The following YAP1 variants were observed in gnomAD, a reference collection of about 807,000 sequenced individuals.
The protein encoded by YAP1 is Yes1 associated transcriptional regulator, also known as transcriptional coactivator YAP1.
In YAP1, 5 loss-of-function variants were observed where a neutral mutation model predicts 56.9. The ratio of observed to expected loss-of-function variants is 0.09; its 90% confidence interval spans 0.05 to 0.18. The LOEUF is 0.18. Among genes scored for constraint, YAP1 ranks in the 10% least tolerant of loss-of-function variants. The pLI, the probability that YAP1 is intolerant of heterozygous loss-of-function variation, is 1.00. For missense variants in YAP1, 539 were observed against 651.8 expected, an observed-to-expected ratio of 0.83 and a Z score of 1.88; for synonymous variants, 265 against 248.1, an observed-to-expected ratio of 1.07 and a Z score of -0.64.
At chr11:102,145,749 T>C (rs368677599) in intron 2 of YAP1, among the ~76,000 whole-genome samples, 173 of 152,340 alleles carry the variant, frequency 1.1e-3, no homozygotes, top group Non-Finnish European at 1.7e-3. Context: ...TTTCATCTTA[T>C]GGACAGGATT....
chr11:102,110,877 A>C lies in YAP1; in HGVS notation c.29A>C (p.Gln10Pro). 7.0e-7 allele frequency: 1 copy of C among 1,421,578 alleles called. No individual in the cohort carries two copies. The highest frequency in any genetic ancestry group is 9.2e-7 in the Non-Finnish European group (1 of 1,085,426). The allele number at this position is 1,421,578 out of a possible 1,614,324, so 88.1% of individuals were successfully genotyped here. A position where few individuals can be genotyped will look rare whatever the true frequency, so the allele number is the denominator to read the frequency against. Residue 10 changes from glutamine (Q) to proline (P), a missense_variant, in exon 1 of 9, where the codon CAA becomes CCA. By Grantham distance (76) the Gln-to-Pro change is moderately conservative. Around this residue, in one of 4 missense-constraint regions of YAP1, gnomAD observed 106 missense variants for 86.6 expected, o/e 1.22. Coordinates refer to ENST00000282441, the MANE Select transcript of YAP1 (RefSeq NM_001130145.3). MDPGQQPPP[Q>P]PAPQGQGQPP... Reference sequence around the variant, plus strand: ...GATCCCGGGCAGCAGCCGCCGCCTCAACCGGCCCCCCAGGGCCAAGGGCAG... The same window carrying C: ...GATCCCGGGCAGCAGCCGCCGCCTCCACCGGCCCCCCAGGGCCAAGGGCAG...
intron 2 of YAP1, among the ~76,000 whole-genome samples, chr11:102,149,400 A>G (rs1365810597): frequency 6.6e-6 from 1 of 152,208 alleles, no homozygotes; most frequent in Non-Finnish European, 1.5e-5. Context: ...TCAAGAGAGA[A>G]AAGAAGCTAG....
At chr11:102,128,820 G>A (rs973551885) in intron 2 of YAP1, among the ~76,000 whole-genome samples, 2 of 152,146 alleles carry the variant, frequency 1.3e-5, no homozygotes, top group African/African-American at 2.4e-5. Flanking sequence ...CTGTTCGTTT[G>A]CCATTTCCAA....
chr11:102,166,112 A>G (rs997626119), intron 3 of YAP1, among the ~76,000 whole-genome samples: 10 of 152,198 alleles, frequency 6.6e-5, no homozygotes, highest in African/African-American at 2.4e-4. Context: ...CAACACATCG[A>G]TTCTAGGAGT....
At chr11:102,123,527 G>A (rs1213183816) in intron 2 of YAP1, among the ~76,000 whole-genome samples, 1 of 151,924 alleles carries the variant, frequency 6.6e-6, no homozygotes, top group Non-Finnish European at 1.5e-5. Flanking sequence ...GAGATCTCTT[G>A]TCTCTAAAAC....
intron 4 of YAP1, among the ~76,000 whole-genome samples, chr11:102,200,270 T>C (rs1243780436): frequency 6.6e-6 from 1 of 152,192 alleles, no homozygotes; most frequent in African/African-American, 2.4e-5. Flanking sequence ...GAAGATAAAA[T>C]TAGATCCATT....
At chr11:102,139,908 C>G (rs190564721) in intron 2 of YAP1, among the ~76,000 whole-genome samples, 2 of 152,018 alleles carry the variant, frequency 1.3e-5, no homozygotes, top group African/African-American at 4.8e-5. Context: ...TGAAAATAGC[C>G]TAATTGTGTT....
intron 2 of YAP1, among the ~76,000 whole-genome samples, chr11:102,162,037 T>A (rs1946319319): frequency 6.6e-6 from 1 of 152,212 alleles, no homozygotes. Flanking sequence ...AAAAGGCGTT[T>A]TAGGCCTAAA....
intron 6 of YAP1, among the ~76,000 whole-genome samples, chr11:102,211,653 A>G (rs549539466): frequency 7.9e-5 from 12 of 152,310 alleles, no homozygotes; most frequent in Non-Finnish European, 1.3e-4. Flanking sequence ...TATTTTCTAA[A>G]TAACCTTAAG....
chr11:102,200,455 T>TC (rs1466997404), intron 4 of YAP1, among the ~76,000 whole-genome samples: 2 of 152,018 alleles, frequency 1.3e-5, no homozygotes, highest in Non-Finnish European at 2.9e-5. Context: ...TTTTTTTTTT[T>TC]TTTTTTAGAC....
chr11:102,119,203 C>T (rs992201777), intron 2 of YAP1, among the ~76,000 whole-genome samples: 65 of 151,956 alleles, frequency 4.3e-4, no homozygotes, highest in Admixed American at 4.3e-3. Flanking sequence ...CACACAGTGC[C>T]ACAGTGATTT....
intron 3 of YAP1, among the ~76,000 whole-genome samples, chr11:102,173,648 T>A (rs977760711): frequency 1.3e-5 from 2 of 152,146 alleles, no homozygotes; most frequent in Non-Finnish European, 2.9e-5. Flanking sequence ...ATAAAGAAAG[T>A]GAGCATCAAG....
Position 102,148,367 on chromosome 11 carries a change from A to G in YAP1, c.573-14089A>G, listed in dbSNP as rs1945438476. On this transcript the variant is annotated intron_variant, in intron 2 of 8. Transcript: ENST00000282441. ...TTATGACACTTGTGTTTCTGCAAAAAGAGAAGCTTTGGATTAAGTTTATCT... is the reference window on the plus strand; with the variant it reads ...TTATGACACTTGTGTTTCTGCAAAAGGAGAAGCTTTGGATTAAGTTTATCT... Among the ~76,000 whole-genome samples the G allele has an allele frequency of 3.3e-5, 5 of 150,846 alleles. 1 individual carries two copies. The Admixed American group carries it at 3.3e-4, about 10-fold the overall frequency.
At chr11:102,212,591 AT>A (rs1279269970) in intron 6 of YAP1, among the ~76,000 whole-genome samples, 2 of 151,562 alleles carry the variant, frequency 1.3e-5, no homozygotes, top group Non-Finnish European at 2.9e-5. Flanking sequence ...TTTTATTTTT[AT>A]TTTTATTTTG....
At chr11:102,150,873 T>C (rs979506934) in intron 2 of YAP1, among the ~76,000 whole-genome samples, 1 of 148,412 alleles carries the variant, frequency 6.7e-6, no homozygotes, top group Non-Finnish European at 1.5e-5. Context: ...TAATCTTGGC[T>C]CACTGCAGTC....
chr11:102,154,010 A>G (rs1945809944), intron 2 of YAP1, among the ~76,000 whole-genome samples: 1 of 152,136 alleles, frequency 6.6e-6, no homozygotes, highest in African/African-American at 2.4e-5. Flanking sequence ...TAACCTTTTT[A>G]TTAATTTCTT....
chr11:102,176,000 G>A (rs1312210228), intron 3 of YAP1, among the ~76,000 whole-genome samples: 1 of 152,068 alleles, frequency 6.6e-6, no homozygotes. Context: ...AGGCATATAT[G>A]GTCAAGCATA....
chr11:102,150,472 A>G (rs573883254), intron 2 of YAP1, among the ~76,000 whole-genome samples: 48 of 152,292 alleles, frequency 3.2e-4, no homozygotes, highest in African/African-American at 1.1e-3. Context: ...GAGATATAAA[A>G]TATATTATCA....
chr11:102,121,743 G>A (rs2135164699), intron 2 of YAP1, among the ~76,000 whole-genome samples: 1 of 152,268 alleles, frequency 6.6e-6, no homozygotes, highest in Middle Eastern at 3.4e-3. Context: ...ATAAGTGGGG[G>A]ACTGCTGCCT....
Sources: gnomAD v4.1 joint callset for allele counts (sites outside exome capture counted in the v4.1 genomes callset) on GRCh38, gnomAD v4.1.1 for gene constraint, gnomAD v4.1.1 regional missense constraint, MANE v1.5 for transcripts, NCBI Gene and HGNC (gene_info 2026-07-23, HGNC 2026-07-21) for gene names.